Variants in CHST9 observed in about 807,000 individuals in gnomAD.
CHST9 encodes carbohydrate sulfotransferase 9.
In CHST9, 41 loss-of-function variants were observed where a neutral mutation model predicts 44.4. That is an observed-to-expected ratio of 0.92 (90% CI 0.72 to 1.20). CHST9 has a LOEUF of 1.20. CHST9 is among the 50% of genes most tolerant of loss of function. The probability of loss-of-function intolerance (pLI) is 0.00; values close to 1 mark genes in which losing one functional copy is unlikely to be tolerated. For synonymous variants in CHST9, 171 were observed against 178.4 expected, an observed-to-expected ratio of 0.96 and a Z score of 0.33; for missense variants, 504 against 516.5, an observed-to-expected ratio of 0.98 and a Z score of 0.23.
At chr18:27,061,216 T>A (rs1490658129) in intron 2 of CHST9, among the ~76,000 whole-genome samples, 1 of 152,210 alleles carries the variant, frequency 6.6e-6, no homozygotes, top group Non-Finnish European at 1.5e-5. Flanking sequence ...TCTGAATTAA[T>A]GCACCACGGG....
chr18:26,998,968 G>T (rs1162808962), intron 4 of CHST9, among the ~76,000 whole-genome samples: 1 of 152,118 alleles, frequency 6.6e-6, no homozygotes, highest in African/African-American at 2.4e-5. Flanking sequence ...TGGGTAGCAG[G>T]AGGTTCCACA....
At chr18:26,975,791 T>G (rs919207913) in intron 4 of CHST9, among the ~76,000 whole-genome samples, 1 of 145,654 alleles carries the variant, frequency 6.9e-6, no homozygotes, top group South Asian at 2.2e-4. Flanking sequence ...TATTCATTGA[T>G]GGACACTTGG....
intron 1 of CHST9, among the ~76,000 whole-genome samples, chr18:27,155,789 G>T (rs1213604109): frequency 6.6e-6 from 1 of 151,854 alleles, no homozygotes; most frequent in Non-Finnish European, 1.5e-5. Context: ...TAAATCCAGG[G>T]CTCAGAAATA....
intron 1 of CHST9, among the ~76,000 whole-genome samples, chr18:27,164,094 C>G (rs1343166433): frequency 6.6e-6 from 1 of 152,036 alleles, no homozygotes; most frequent in African/African-American, 2.4e-5. Flanking sequence ...GCTATAAAAT[C>G]CAGGAAAGGT....
chr18:27,035,388 T>A (rs1486416545), intron 3 of CHST9, among the ~76,000 whole-genome samples: 2 of 152,178 alleles, frequency 1.3e-5, no homozygotes, highest in African/African-American at 4.8e-5. Flanking sequence ...TTGTATGCAT[T>A]TCTTATATAA....
At chr18:26,977,905 A>G (rs2056642969) in intron 4 of CHST9, among the ~76,000 whole-genome samples, 1 of 152,068 alleles carries the variant, frequency 6.6e-6, no homozygotes, top group Non-Finnish European at 1.5e-5. Context: ...TGCGTGCACC[A>G]CCTTAATAAC....
At chr18:26,973,400 G>A (rs886681096) in intron 4 of CHST9, among the ~76,000 whole-genome samples, 1 of 152,164 alleles carries the variant, frequency 6.6e-6, no homozygotes, top group Non-Finnish European at 1.5e-5. Flanking sequence ...AGGCATCAAG[G>A]AGGCGAAGGT....
Position 27,123,840 on chromosome 18 carries a change from G to A in CHST9, c.121+18849C>T, listed in dbSNP as rs554970149. Among the ~76,000 whole-genome samples, 53 of 152,218 alleles carry A rather than the reference G, an allele frequency of 3.5e-4. 1 individual carries two copies. Among genetic ancestry groups the A allele is most frequent in the African/African-American group, 1.2e-3 (51 of 41,550 alleles). ...AAACCTGGGACCTCCATCTTATACTGGGCCAAGCAGAGAAAATACTATCCT... is the reference window on the plus strand; with the variant it reads ...AAACCTGGGACCTCCATCTTATACTAGGCCAAGCAGAGAAAATACTATCCT... On this transcript the variant is annotated intron_variant, in intron 2 of 5. Coordinates refer to ENST00000618847, the MANE Select transcript of CHST9 (RefSeq NM_031422.6).
chr18:26,933,084 C>T (rs1383779261), intron 5 of CHST9: 1 of 153,732 alleles, frequency 6.5e-6, no homozygotes, highest in African/African-American at 2.4e-5. Flanking sequence ...GGAATCTACA[C>T]GTGCATAGAC....
At chr18:26,960,282 T>C (rs926012823) in intron 4 of CHST9, among the ~76,000 whole-genome samples, 1 of 152,200 alleles carries the variant, frequency 6.6e-6, no homozygotes, top group Non-Finnish European at 1.5e-5. Flanking sequence ...AAAATGGTTG[T>C]ATTTTATTTA....
At chr18:27,119,471 C>A (rs577942814) in intron 2 of CHST9, among the ~76,000 whole-genome samples, 20 of 152,086 alleles carry the variant, frequency 1.3e-4, no homozygotes, top group South Asian at 6.2e-4. Context: ...AAAAAGAAAC[C>A]ACAAAATACT....
rs777982955 is a variant in CHST9, at chr18:27,060,360, C to A, written c.122-11857G>T. Reference sequence around the variant, plus strand: ...AATATTGTCTGAATGCCTAAGGCAACAAGCTATTTTCTGGAAAAATCTTTT... The same window carrying A: ...AATATTGTCTGAATGCCTAAGGCAAAAAGCTATTTTCTGGAAAAATCTTTT... On this transcript the variant is annotated intron_variant, in intron 2 of 5. Coordinates refer to ENST00000618847, the MANE Select transcript of CHST9 (RefSeq NM_031422.6). 2.6e-4 allele frequency among the ~76,000 whole-genome samples: 40 copies of A among 152,144 alleles called. 1 individual carries two copies. The highest frequency in any genetic ancestry group is 1.2e-4 in the Non-Finnish European group (8 of 68,030).
Position 27,082,048 on chromosome 18 carries a change from T to C in CHST9, c.122-33545A>G, listed in dbSNP as rs12605531. Among the ~76,000 whole-genome samples, 128 of 152,312 alleles carry C rather than the reference T, an allele frequency of 8.4e-4. 1 individual carries two copies. In the East Asian group the frequency reaches 0.024, roughly 28 times the overall value. ...CCCTGAGGGTAAGTGGTACCTAAGA[T>C]ACTAGAAATGTAGCCCTAACAAAAG... On this transcript the variant is annotated intron_variant, in intron 2 of 5. Coordinates refer to ENST00000618847, the MANE Select transcript of CHST9 (RefSeq NM_031422.6).
chr18:26,935,129 G>T (rs970844578), intron 5 of CHST9: 2 of 152,090 alleles, frequency 1.3e-5, no homozygotes, highest in African/African-American at 4.8e-5. Flanking sequence ...TATGAAGAAG[G>T]GTGATTATCT....
intron 4 of CHST9, among the ~76,000 whole-genome samples, chr18:26,964,146 C>T (rs754389272): frequency 6.6e-6 from 1 of 152,174 alleles, no homozygotes; most frequent in Non-Finnish European, 1.5e-5. Context: ...TATTAACGTT[C>T]TAATGCTTTA....
intron 2 of CHST9, among the ~76,000 whole-genome samples, chr18:27,111,084 A>C (rs2058266889): frequency 6.6e-6 from 1 of 152,224 alleles, no homozygotes; most frequent in South Asian, 2.1e-4. Context: ...AGTCATAGAG[A>C]GGTCTACAAA....
intron 2 of CHST9, among the ~76,000 whole-genome samples, chr18:27,119,494 A>G (rs1281289136): frequency 6.6e-6 from 1 of 152,156 alleles, no homozygotes; most frequent in Non-Finnish European, 1.5e-5. Context: ...CATGAATATT[A>G]TCTCTGTTTC....
intron 4 of CHST9, among the ~76,000 whole-genome samples, chr18:27,008,555 A>G (rs1351533331): frequency 6.6e-6 from 1 of 152,196 alleles, no homozygotes; most frequent in Non-Finnish European, 1.5e-5. Context: ...CACTTAATAT[A>G]TCTTTTGGCT....
rs1035365769 is a variant in CHST9, at chr18:27,144,312, CAGTTAAA to C, written c.-96-1414_-96-1408del. Among the ~76,000 whole-genome samples, 82 of 152,174 alleles carry C rather than the reference CAGTTAAA, an allele frequency of 5.4e-4. 1 individual carries two copies. The highest frequency in any genetic ancestry group is 1.7e-3 in the African/African-American group (69 of 41,514). On this transcript the variant is annotated intron_variant, in intron 1 of 5. Transcript: ENST00000618847. Reference sequence around the variant, plus strand: ...GCCTAAGAGGTGTTTTATGGGGTGCCAGTTAAAAGTTAAAAACTGCTGTGGGAAATTG... The same window carrying C: ...GCCTAAGAGGTGTTTTATGGGGTGCCAGTTAAAAACTGCTGTGGGAAATTG...
Sources: gnomAD v4.1 joint callset for allele counts (sites outside exome capture counted in the v4.1 genomes callset) on GRCh38, gnomAD v4.1.1 for gene constraint, MANE v1.5 for transcripts, NCBI Gene and HGNC (gene_info 2026-07-23, HGNC 2026-07-21) for gene names.